The following PCDHA5 variants were observed in gnomAD, a reference collection of about 807,000 sequenced individuals.
The protein encoded by PCDHA5 is protocadherin alpha 5.
Under a neutral mutation model 61.6 loss-of-function variants are expected in PCDHA5, and 43 were observed. That is an observed-to-expected ratio of 0.70 (90% confidence interval 0.55 to 0.90). PCDHA5 has a LOEUF of 0.90. PCDHA5 is among the 40% of genes least tolerant of loss of function. The probability of loss-of-function intolerance (pLI) is 0.00; values close to 1 mark genes in which losing one functional copy is unlikely to be tolerated. For synonymous variants in PCDHA5, 627 were observed against 543.9 expected, an observed-to-expected ratio of 1.15 and a Z score of -2.13; for missense variants, 1,298 against 1,222.7, an observed-to-expected ratio of 1.06 and a Z score of -0.92.
intron 1 of PCDHA5, among the ~76,000 whole-genome samples, chr5:140,926,161 A>C (rs1205520517): frequency 6.6e-6 from 1 of 151,712 alleles, no homozygotes. Flanking sequence ...GCTCTGCAGC[A>C]GGATCCAGCG....
intron 1 of PCDHA5, chr5:140,835,731 G>GA: frequency 6.2e-7 from 1 of 1,613,790 alleles, no homozygotes; most frequent in Non-Finnish European, 8.5e-7. Flanking sequence ...CGACGTGAAC[G>GA]ACAACGCCCC....
Position 140,843,520 on chromosome 5 carries a change from G to A in PCDHA5, c.2352+19393G>A, listed in dbSNP as rs2150361803. 1.5e-5 allele frequency: 24 copies of A among 1,595,834 alleles called. 2 individuals are homozygous for A. The highest frequency in any genetic ancestry group is 2.0e-5 in the Non-Finnish European group (23 of 1,165,564). On this transcript the variant is annotated intron_variant, in intron 1 of 3. Coordinates refer to ENST00000529859, the MANE Select transcript of PCDHA5 (RefSeq NM_018908.3). ...CACTGCCCACTGAGGGCGGGTGCCG[G>A]GCGGGCAAGCCCACTCTGGTGTGCT...
chr5:140,863,352 G>T (rs568992628), intron 1 of PCDHA5: 16 of 1,288,838 alleles, frequency 1.2e-5, no homozygotes, highest in Non-Finnish European at 1.6e-5. Context: ...TGTACACGAC[G>T]CTGCGGTGCT....
At chr5:140,852,265 T>C in intron 1 of PCDHA5, 1 of 505,256 alleles carries the variant, frequency 2.0e-6, no homozygotes, top group Non-Finnish European at 2.6e-6. Flanking sequence ...TATGCTACAA[T>C]ATTACATGTT....
intron 1 of PCDHA5, chr5:140,856,374 T>A (rs568319142): frequency 1.3e-6 from 2 of 1,598,376 alleles, no homozygotes; most frequent in Middle Eastern, 3.3e-4. Context: ...GAGGTGATCG[T>A]GGACAGGCCG....
In PCDHA5 at chr5:141,010,490, A is replaced by C; in HGVS notation, c.*553A>C. 1.6e-6 allele frequency: 1 copy of C among 640,034 alleles called. No individual in the cohort carries two copies. The highest frequency in any genetic ancestry group is 2.4e-6 in the Non-Finnish European group (1 of 411,150). The allele number at this position is 640,034 out of a possible 1,614,324, so 39.6% of individuals were successfully genotyped here. On this transcript the variant is annotated 3_prime_UTR_variant, in exon 4 of 4. Coordinates refer to ENST00000529859, the MANE Select transcript of PCDHA5 (RefSeq NM_018908.3). ...GGAGGGGAAGTGTAAACTTAAAGGG[A>C]CCAGACTTTCTAAATCTTACAACTC...
chr5:140,854,692 A>G (rs1554147391), intron 1 of PCDHA5: 1 of 150,100 alleles, frequency 6.7e-6, no homozygotes, highest in African/African-American at 2.4e-5. Flanking sequence ...TCTGTTGTTA[A>G]GTTTTCCTTT....
intron 1 of PCDHA5, chr5:140,882,865 A>G (rs1554175879): frequency 6.2e-7 from 1 of 1,614,248 alleles, no homozygotes; most frequent in Non-Finnish European, 8.5e-7. Context: ...TGAGGAAAAC[A>G]CTGGACAGAG....
At chr5:140,863,396 G>C (rs782335492) in intron 1 of PCDHA5, 1 of 872,572 alleles carries the variant, frequency 1.1e-6, no homozygotes, top group Non-Finnish European at 1.8e-6. Context: ...TGCATGCCGG[G>C]CAAGCCCACG....
chr5:140,823,646 G>A lies in PCDHA5; in HGVS notation c.1871G>A (p.Gly624Glu), dbSNP rs149534551. 1.2e-4 allele frequency: 201 copies of A among 1,613,806 alleles called. No individual in the cohort carries two copies. In the African/African-American group the frequency reaches 2.2e-3, roughly 18 times the overall value. Residue 624 changes from glycine (G) to glutamate (E), a missense_variant, in exon 1 of 4, where the codon GGG (glycine) becomes GAG (glutamate). Gly to Glu is a moderately conservative substitution (Grantham distance 98). Coordinates refer to ENST00000529859, the MANE Select transcript of PCDHA5 (RefSeq NM_018908.3). ...PGSARIPFRVGLYTGEISTTR... is the reference protein window; with the variant it reads ...PGSARIPFRVELYTGEISTTR... ...AGTGCGCGCATCCCGTTCCGCGTGG[G>A]GCTGTACACAGGCGAGATCAGCACA...
intron 1 of PCDHA5, chr5:140,828,102 C>A: frequency 1.9e-6 from 3 of 1,608,522 alleles, no homozygotes; most frequent in Non-Finnish European, 2.5e-6. Context: ...ATGGTGTTTA[C>A]CCCGGAGGAT....
chr5:140,982,741 T>C (rs2097000256), intron 3 of PCDHA5, among the ~76,000 whole-genome samples, 178 bp downstream of exon 3: 1 of 152,164 alleles, frequency 6.6e-6, no homozygotes, highest in Admixed American at 6.6e-5. Flanking sequence ...TACCTAATGC[T>C]CTTCAGGAGT....
chr5:140,853,242 A>T, intron 1 of PCDHA5: 1 of 978,496 alleles, frequency 1.0e-6, no homozygotes, highest in Non-Finnish European at 1.2e-6. Context: ...CCTTCATATT[A>T]ATCTCTATTC....
chr5:140,919,558 TAA>T (rs879969388), intron 1 of PCDHA5, among the ~76,000 whole-genome samples: 1 of 152,210 alleles, frequency 6.6e-6, no homozygotes, highest in Non-Finnish European at 1.5e-5. Flanking sequence ...TGATTTATAT[TAA>T]GTGAATATTT....
chr5:140,835,836 C>T, intron 1 of PCDHA5: 1 of 1,612,388 alleles, frequency 6.2e-7, no homozygotes, highest in Non-Finnish European at 8.5e-7. Context: ...CGCGGACGCG[C>T]AGAAGAACGC....
chr5:140,861,768 T>TACCA (rs3834243), intron 1 of PCDHA5: 106,057 of 158,892 alleles, frequency 0.67, 35,632 homozygotes, highest in African/African-American at 0.71. Flanking sequence ...TCCCTGGAAA[T>TACCA]ACCAAGAGCA....
intron 1 of PCDHA5, among the ~76,000 whole-genome samples, chr5:140,963,057 A>G (rs1004095673): frequency 1.3e-5 from 2 of 152,186 alleles, no homozygotes; most frequent in African/African-American, 4.8e-5. Context: ...AAGGGTTTCT[A>G]CATTGTGAAG....
intron 1 of PCDHA5, among the ~76,000 whole-genome samples, chr5:140,920,419 T>C (rs1282192714): frequency 6.6e-6 from 1 of 152,232 alleles, no homozygotes. Flanking sequence ...GATACAGCTG[T>C]TCTCCCACAC....
chr5:140,882,466 G>A (rs782656797), intron 1 of PCDHA5: 1 of 1,614,028 alleles, frequency 6.2e-7, no homozygotes, highest in South Asian at 1.1e-5. Flanking sequence ...TGTTCCGGGT[G>A]GCGTCCAAAA....
Sources: gnomAD v4.1 joint callset for allele counts (sites outside exome capture counted in the v4.1 genomes callset) on GRCh38, gnomAD v4.1.1 for gene constraint, MANE v1.5 for transcripts, NCBI Gene and HGNC (gene_info 2026-07-23, HGNC 2026-07-21) for gene names.